The following COL28A1 variants were observed in gnomAD, a reference collection of about 807,000 sequenced individuals.
COL28A1 encodes collagen type XXVIII alpha 1 chain, also known as collagen alpha-1(XXVIII) chain.
In COL28A1, 161 loss-of-function variants were observed where a neutral mutation model predicts 150.2. The ratio of observed to expected loss-of-function variants is 1.07; its 90% CI spans 0.94 to 1.22. The LOEUF (loss-of-function observed/expected upper bound fraction) is 1.22, where lower values mean the gene tolerates loss of function less well. Among genes scored for constraint, COL28A1 ranks in the 50% most tolerant of loss-of-function variants. COL28A1 has a pLI of 0.00. For missense variants in COL28A1, 1,617 were observed against 1,388.3 expected (o/e 1.16, Z -2.62); for synonymous variants, 552 against 469.7 (o/e 1.18, Z -2.26).
intron 1 of COL28A1, among the ~76,000 whole-genome samples, chr7:7,534,387 A>T (rs1407818049): frequency 6.6e-6 from 1 of 152,218 alleles, no homozygotes; most frequent in East Asian, 1.9e-4. Flanking sequence ...AAGGAAAAAA[A>T]TAAATGATGT....
intron 27 of COL28A1, among the ~76,000 whole-genome samples, chr7:7,390,441 G>A (rs913378248): frequency 6.6e-6 from 1 of 152,126 alleles, no homozygotes; most frequent in Non-Finnish European, 1.5e-5. Flanking sequence ...AGGAATATTG[G>A]CCTGAAATTT....
chr7:7,523,437 C>T (rs1781850107), intron 4 of COL28A1, among the ~76,000 whole-genome samples: 2 of 151,768 alleles, frequency 1.3e-5, no homozygotes, highest in Admixed American at 6.6e-5. Context: ...GGATTACAGG[C>T]GTGAGCGACC....
chr7:7,380,648 A>G lies in COL28A1; in HGVS notation c.2322+12T>C. On this transcript the variant is annotated intron_variant, in intron 30 of 34. Transcript: ENST00000399429. The stretch of plus-strand genomic sequence containing the variant: ...ACAAAACCCTCAATTACCCTCTAGA[A>G]TGGATACTCACTGTAAGTCCTAGGT... 6.2e-7 allele frequency: 1 copy of G among 1,611,816 alleles called. No individual in the cohort carries two copies. Among genetic ancestry groups the G allele is most frequent in the Non-Finnish European group, 8.5e-7 (1 of 1,177,990 alleles).
chr7:7,369,004 C>T (rs1781083537), intron 33 of COL28A1, among the ~76,000 whole-genome samples: 1 of 152,226 alleles, frequency 6.6e-6, no homozygotes, highest in Non-Finnish European at 1.5e-5. Flanking sequence ...CCATCTATCA[C>T]AGCAGTTAAT....
At chr7:7,464,581 T>C (rs2128341099) in intron 15 of COL28A1, among the ~76,000 whole-genome samples, 1 of 152,278 alleles carries the variant, frequency 6.6e-6, no homozygotes, top group South Asian at 2.1e-4. Context: ...AAAAATGAAA[T>C]CAAGATGGAA....
chr7:7,513,275 C>T (rs1010814951), intron 8 of COL28A1, among the ~76,000 whole-genome samples: 11 of 152,194 alleles, frequency 7.2e-5, no homozygotes, highest in African/African-American at 2.7e-4. Context: ...GGCTCAGAGA[C>T]ATTACATACT....
At chr7:7,394,014 G>C (rs1356689231) in intron 27 of COL28A1, among the ~76,000 whole-genome samples, 1 of 151,818 alleles carries the variant, frequency 6.6e-6, no homozygotes, top group African/African-American at 2.4e-5. Flanking sequence ...CTCGGTGTCT[G>C]CCCAAACAGC....
chr7:7,403,993 T>C (rs1783361240), intron 27 of COL28A1, among the ~76,000 whole-genome samples: 1 of 152,190 alleles, frequency 6.6e-6, no homozygotes, highest in African/African-American at 2.4e-5. Context: ...TTGCCTGCAA[T>C]AGCTTTCTTG....
upstream of COL28A1, among the ~76,000 whole-genome samples, chr7:7,537,185 A>C (rs925885900): frequency 1.3e-5 from 2 of 152,204 alleles, no homozygotes; most frequent in African/African-American, 4.8e-5. Context: ...CTGTCCCAGC[A>C]GCTGAGGATA....
At chr7:7,474,729 T>C (rs1788728894) in intron 14 of COL28A1, 60 bp from the exon 15 acceptor site, 1 of 837,954 alleles carries the variant, frequency 1.2e-6, no homozygotes, top group Non-Finnish European at 2.1e-6. Flanking sequence ...TAAAAGAGTT[T>C]ACATTACAAA....
chr7:7,516,446 G>C (rs906091080), intron 7 of COL28A1, among the ~76,000 whole-genome samples: 1 of 152,142 alleles, frequency 6.6e-6, no homozygotes, highest in African/African-American at 2.4e-5. Flanking sequence ...CACTTCTACT[G>C]TCTTCTGTGT....
chr7:7,448,723 G>A (rs1786458706), intron 18 of COL28A1, among the ~76,000 whole-genome samples: 1 of 151,708 alleles, frequency 6.6e-6, no homozygotes, highest in Non-Finnish European at 1.5e-5. Context: ...ACAGGTGAAT[G>A]GATAAATAAA....
At position 7,471,624 on chromosome 7, in the gene COL28A1, G is replaced by A. The variant is rs139722013; in HGVS notation, c.1302+2977C>T. On this transcript the variant is annotated intron_variant, in intron 15 of 34. Transcript: ENST00000399429. ...AACAGAATAAAACAGGCTGGGCATG[G>A]TGGCTCACACCTGTAATCCCAGCAC... is the stretch of plus-strand genomic sequence containing the variant. Among the ~76,000 whole-genome samples the A allele has an allele frequency of 2.6e-5, 4 of 152,308 alleles. No homozygotes were observed. The East Asian group carries it at 7.7e-4, about 29-fold the overall frequency.
intron 23 of COL28A1, among the ~76,000 whole-genome samples, chr7:7,435,193 T>C (rs1000287681): frequency 6.6e-6 from 1 of 152,206 alleles, no homozygotes; most frequent in Non-Finnish European, 1.5e-5. Flanking sequence ...AATTGGATTG[T>C]ATTCCTATTG....
intron 27 of COL28A1, among the ~76,000 whole-genome samples, chr7:7,407,705 A>C (rs73674528): frequency 0.015 from 2,236 of 152,230 alleles, 53 homozygotes; most frequent in African/African-American, 0.051. Context: ...ATGCAGGCAG[A>C]GAGTGGTTTC....
intron 16 of COL28A1, among the ~76,000 whole-genome samples, chr7:7,454,208 T>G (rs1029088058): frequency 6.6e-6 from 1 of 152,182 alleles, no homozygotes; most frequent in Non-Finnish European, 1.5e-5. Context: ...TAAGAGAGAT[T>G]GTAAACATGT....
At chr7:7,473,070 A>G (rs1788563404) in intron 15 of COL28A1, among the ~76,000 whole-genome samples, 1 of 152,220 alleles carries the variant, frequency 6.6e-6, no homozygotes, top group African/African-American at 2.4e-5. Flanking sequence ...AAACTATAAA[A>G]ATTCTAGAAG....
At chr7:7,494,070 T>C (rs1780071827) in intron 11 of COL28A1, among the ~76,000 whole-genome samples, 1 of 152,182 alleles carries the variant, frequency 6.6e-6, no homozygotes, top group African/African-American at 2.4e-5. Flanking sequence ...TGTGAGCGTG[T>C]GTGGAGGCAG....
At chr7:7,371,786 T>C (rs1055402237) in intron 32 of COL28A1, among the ~76,000 whole-genome samples, 1 of 152,192 alleles carries the variant, frequency 6.6e-6, no homozygotes, top group Non-Finnish European at 1.5e-5. Flanking sequence ...AAACTTAGCA[T>C]AGAGAAGCCC....
Sources: gnomAD v4.1 joint callset for allele counts (sites outside exome capture counted in the v4.1 genomes callset) on GRCh38, gnomAD v4.1.1 for gene constraint, MANE v1.5 for transcripts, NCBI Gene and HGNC (gene_info 2026-07-23, HGNC 2026-07-21) for gene names.